The following METTL24 variants were observed in gnomAD, a reference collection of about 807,000 sequenced individuals.
METTL24 encodes methyltransferase like 24, also known as probable methyltransferase-like protein 24.
Under a neutral mutation model 32.7 loss-of-function variants are expected in METTL24, and 29 were observed. The ratio of observed to expected loss-of-function variants is 0.89; its 90% CI spans 0.66 to 1.21. METTL24 has a LOEUF of 1.21. Among genes scored for constraint, METTL24 ranks in the 50% most tolerant of loss-of-function variants. METTL24 has a pLI of 0.00. For missense variants in METTL24, 439 were observed against 468.1 expected, an observed-to-expected ratio of 0.94 and a Z score of 0.57; for synonymous variants, 163 against 179.5, an observed-to-expected ratio of 0.91 and a Z score of 0.73.
chr6:110,323,016 G>C (rs1231318666), intron 1 of METTL24, 144 bp from the exon 2 acceptor site: 2 of 570,254 alleles, frequency 3.5e-6, no homozygotes, highest in East Asian at 5.7e-5. Context: ...GAGGCTCTTT[G>C]CGAGCTGCTG....
chr6:110,282,635 G>A (rs1268216229), intron 4 of METTL24, among the ~76,000 whole-genome samples: 2 of 151,746 alleles, frequency 1.3e-5, no homozygotes, highest in Non-Finnish European at 3.0e-5. Flanking sequence ...CCTGCTACCT[G>A]ACCCAAAGCC....
At chr6:110,294,615 T>C (rs1771377583) in intron 4 of METTL24, among the ~76,000 whole-genome samples, 1 of 151,996 alleles carries the variant, frequency 6.6e-6, no homozygotes, top group African/African-American at 2.4e-5. Context: ...TCAGGTTGGG[T>C]TTAAAAATAC....
chr6:110,314,336 C>T (rs986723063), intron 3 of METTL24, among the ~76,000 whole-genome samples: 8 of 151,358 alleles, frequency 5.3e-5, no homozygotes, highest in African/African-American at 9.8e-5. Context: ...TTCCTCCTGT[C>T]TTCTTTTTTT....
chr6:110,314,693 G>A (rs1001317095), intron 3 of METTL24, among the ~76,000 whole-genome samples: 1 of 152,154 alleles, frequency 6.6e-6, no homozygotes, highest in African/African-American at 2.4e-5. Flanking sequence ...TGGGTGCAGT[G>A]GCTCACACCT....
At chr6:110,259,131 G>T (rs1778440801) in intron 4 of METTL24, among the ~76,000 whole-genome samples, 1 of 152,246 alleles carries the variant, frequency 6.6e-6, no homozygotes, top group South Asian at 2.1e-4. Context: ...AGGACAGTGG[G>T]TGCAGCATAC....
At chr6:110,271,808 G>A (rs1054177355) in intron 4 of METTL24, among the ~76,000 whole-genome samples, 26 of 152,092 alleles carry the variant, frequency 1.7e-4, no homozygotes, top group African/African-American at 4.8e-4. Flanking sequence ...GATTCCTGGG[G>A]AAATAATAAA....
intron 3 of METTL24, among the ~76,000 whole-genome samples, chr6:110,299,971 A>T (rs1008545397): frequency 6.6e-6 from 1 of 152,040 alleles, no homozygotes; most frequent in Non-Finnish European, 1.5e-5. Flanking sequence ...CTCATATGTG[A>T]TTTAGGATAC....
chr6:110,346,346 A>G (rs551625636), intron 1 of METTL24, among the ~76,000 whole-genome samples: 51 of 152,304 alleles, frequency 3.3e-4, no homozygotes, highest in African/African-American at 1.2e-3. Flanking sequence ...ATAGGGAATG[A>G]CTGCAAACAA....
intron 4 of METTL24, among the ~76,000 whole-genome samples, chr6:110,258,338 A>T (rs1169629734): frequency 6.6e-6 from 1 of 152,266 alleles, no homozygotes; most frequent in Non-Finnish European, 1.5e-5. Flanking sequence ...TAAGTACATT[A>T]GCAGATGAAA....
At chr6:110,319,622 G>C (rs1256304017) in intron 2 of METTL24, among the ~76,000 whole-genome samples, 1 of 152,118 alleles carries the variant, frequency 6.6e-6, no homozygotes, top group South Asian at 2.1e-4. Flanking sequence ...CCTTAGAACA[G>C]AGCACTGTAT....
At chr6:110,346,922 AT>A (rs910616164) in intron 1 of METTL24, among the ~76,000 whole-genome samples, 15 of 151,776 alleles carry the variant, frequency 9.9e-5, no homozygotes, top group Admixed American at 3.3e-4. Context: ...ATGTAAATAC[AT>A]TTTTTTTGAC....
chr6:110,352,098 C>T (rs189396520), intron 1 of METTL24, among the ~76,000 whole-genome samples: 5 of 152,190 alleles, frequency 3.3e-5, no homozygotes, highest in East Asian at 1.9e-4. Flanking sequence ...TATTCCCCTA[C>T]GATCTTACCC....
chr6:110,329,671 C>A (rs1772079857), intron 1 of METTL24, among the ~76,000 whole-genome samples: 1 of 152,184 alleles, frequency 6.6e-6, no homozygotes, highest in Non-Finnish European at 1.5e-5. Context: ...TGCAGTTTCA[C>A]GTGCCTTCCC....
chr6:110,268,935 T>G (rs17071361), intron 4 of METTL24, among the ~76,000 whole-genome samples: 13,693 of 152,168 alleles, frequency 0.09, 1,127 homozygotes, highest in African/African-American at 0.22. Context: ...TTCTCTTTCA[T>G]TCTTAGATTC....
chr6:110,315,379 G>C lies in METTL24; in HGVS notation c.520C>G (p.Gln174Glu), dbSNP rs576377337. 6.1e-5 allele frequency: 99 copies of C among 1,614,160 alleles called. No homozygotes were observed. In the South Asian group the frequency reaches 9.6e-4, roughly 16 times the overall value. The change falls in exon 3 of 5, where the codon CAA (glutamine) becomes GAA (glutamate). Residue 174 changes from glutamine to glutamate, a missense_variant. Physicochemically the swap from Gln to Glu is conservative, Grantham distance 29. Coordinates refer to ENST00000338882, the MANE Select transcript of METTL24 (RefSeq NM_001123364.3). ...CLDDRFNLAH[Q>E]IRNKQCRLYS... is the part of the protein sequence containing the mutation. ...AGGCGGCACTGCTTGTTGCGGATTT[G>C]ATGAGCTAAATTGAACCTGTCGTCA...
At chr6:110,333,325 T>C (rs1480097130) in intron 1 of METTL24, among the ~76,000 whole-genome samples, 1 of 152,194 alleles carries the variant, frequency 6.6e-6, no homozygotes, top group African/African-American at 2.4e-5. Context: ...GGGGAGGACA[T>C]AAAAGCCACC....
chr6:110,335,887 C>T (rs1772217069), intron 1 of METTL24, among the ~76,000 whole-genome samples: 1 of 152,220 alleles, frequency 6.6e-6, no homozygotes, highest in Admixed American at 6.5e-5. Context: ...CTGCTGGTCC[C>T]ATACTTGCTC....
At position 110,244,868 on chromosome 6, in the gene METTL24, AG is replaced by A. The variant is rs1173305584; in HGVS notation, c.*1077del. ...GGACTTATAATGAAGTAATCATTAA[AG>A]GCCTTACTTCAGTGAGGAGAGCACA... On this transcript the variant is annotated 3_prime_UTR_variant, in exon 5 of 5. Transcript: ENST00000338882. Among the ~76,000 whole-genome samples, 3 of 152,212 alleles carry A rather than the reference AG, an allele frequency of 2.0e-5. No individual in the cohort carries two copies. The highest frequency in any genetic ancestry group is 7.2e-5 in the African/African-American group (3 of 41,444).
chr6:110,254,058 C>A, intron 4 of METTL24: 1 of 867,300 alleles, frequency 1.2e-6, no homozygotes. Flanking sequence ...AGCTCTCCTG[C>A]TTAAAAAAAA....
Sources: allele counts gnomAD v4.1 joint callset (sites outside exome capture counted in the v4.1 genomes callset), GRCh38; gene constraint gnomAD v4.1.1; transcripts MANE v1.5; gene names NCBI Gene and HGNC (gene_info 2026-07-23, HGNC 2026-07-21).